ATAD2B: variants seen among roughly 807,000 people sequenced by gnomAD.
ATAD2B encodes the protein ATPase family AAA domain-containing protein 2B.
Under a neutral mutation model 167.6 loss-of-function variants are expected in ATAD2B, and 40 were observed. The ratio of observed to expected loss-of-function variants is 0.24; its 90% CI spans 0.19 to 0.31. The LOEUF (loss-of-function observed/expected upper bound fraction) is 0.31, where lower values mean the gene tolerates loss of function less well. ATAD2B is among the 10% of genes least tolerant of loss of function. ATAD2B has a pLI of 1.00. For synonymous variants in ATAD2B, 579 were observed against 596.5 expected (o/e 0.97, Z 0.43); for missense variants, 1,242 against 1,757.2 (o/e 0.71, Z 5.24).
intron 14 of ATAD2B, among the ~76,000 whole-genome samples, chr2:23,833,618 C>A (rs954012012): frequency 6.6e-6 from 1 of 152,114 alleles, no homozygotes; most frequent in African/African-American, 2.4e-5. Flanking sequence ...CTTTGGCTAA[C>A]TAGGGACACA....
chr2:23,834,359 G>A (rs536909325), intron 13 of ATAD2B, among the ~76,000 whole-genome samples: 9 of 151,542 alleles, frequency 5.9e-5, no homozygotes, highest in East Asian at 5.8e-4. Flanking sequence ...ATGGGGTTTC[G>A]CTATATTGGT....
rs755646759 is a variant in ATAD2B, at chr2:23,798,267, C to A, written c.2511G>T (p.Gly837=). Residue 837 remains glycine, a synonymous_variant, in exon 19 of 28, where the codon GGG becomes GGT. Transcript: ENST00000238789. ...TTTCACTGACAGCTTCCCACCAATC[C>A]CCAATGTGAGGCATGTAAACAATAC... The part of the protein sequence containing the change: ...VPSIVYMPHI[G]DWWEAVSETV... 2.5e-6 allele frequency: 4 copies of A among 1,612,950 alleles called. No individual in the cohort carries two copies. In the South Asian group the frequency reaches 4.4e-5, roughly 18 times the overall value.
chr2:23,857,610 T>G, intron 12 of ATAD2B, 107 bp from the exon 13 acceptor site: 1 of 490,574 alleles, frequency 2.0e-6, no homozygotes, highest in Non-Finnish European at 3.5e-6. Context: ...ATGCAGCAGG[T>G]ATGAAGGAGT....
the ATAD2B span, among the ~76,000 whole-genome samples, chr2:23,739,150 A>C: frequency 6.6e-6 from 1 of 152,316 alleles, no homozygotes; most frequent in Admixed American, 6.5e-5. Flanking sequence ...ACGAGACAGG[A>C]AGTTAACAAG....
At chr2:23,693,655 G>A in the ATAD2B span, 1 of 1,013,426 alleles carries the variant, frequency 9.9e-7, no homozygotes, top group Non-Finnish European at 1.4e-6. Flanking sequence ...GCAGAGAGGT[G>A]AAGGGCGGGC....
chr2:23,740,904 CAAT>C, the ATAD2B span, among the ~76,000 whole-genome samples: 2 of 152,094 alleles, frequency 1.3e-5, no homozygotes. Context: ...TCTTATACAC[CAAT>C]AACAGACAAA....
chr2:23,860,453 A>C (rs942082581), intron 12 of ATAD2B, among the ~76,000 whole-genome samples: 1 of 152,150 alleles, frequency 6.6e-6, no homozygotes, highest in African/African-American at 2.4e-5. Context: ...TTTCTCACTT[A>C]AGTATTAGAT....
In ATAD2B at chr2:23,756,779, G is replaced by T. The variant is rs114281426; in HGVS notation, c.4078+639C>A. ...AGGCTTTTAGACTGAACAGCCCTTG[G>T]ATTCAATTAACAATGACTTCCTGGA... is the stretch of plus-strand genomic sequence containing the variant. On this transcript the variant is annotated intron_variant, in intron 25 of 27. Transcript: ENST00000238789. 7.4e-4 allele frequency among the ~76,000 whole-genome samples: 112 copies of T among 152,224 alleles called. 1 individual carries two copies. The highest frequency in any genetic ancestry group is 2.5e-3 in the African/African-American group (103 of 41,532).
intron 6 of ATAD2B, 47 bp from the exon 7 acceptor site, chr2:23,880,802 T>C: frequency 8.9e-7 from 1 of 1,125,260 alleles, no homozygotes; most frequent in Non-Finnish European, 1.3e-6. Context: ...TTATTTTAAT[T>C]CAAAAGGATT....
intron 8 of ATAD2B, among the ~76,000 whole-genome samples, chr2:23,871,912 C>T (rs952692367): frequency 2.0e-5 from 3 of 152,036 alleles, no homozygotes; most frequent in Non-Finnish European, 2.9e-5. Context: ...GAATCTCGCA[C>T]GGTCACCCCG....
At chr2:23,781,341 TAAA>T (rs1680018663) in intron 22 of ATAD2B, among the ~76,000 whole-genome samples, 2 of 122,650 alleles carry the variant, frequency 1.6e-5, no homozygotes, top group Admixed American at 7.5e-5. Context: ...AAAAAATAAA[TAAA>T]TAAATAAATA....
At chr2:23,742,340 G>T in the ATAD2B span, among the ~76,000 whole-genome samples, 1 of 151,554 alleles carries the variant, frequency 6.6e-6, no homozygotes, top group African/African-American at 2.4e-5. Context: ...TTAAGAAAAT[G>T]TGGCACATAT....
rs926989520 is a variant in ATAD2B, at chr2:23,749,064, A to C, written c.*2982T>G. ...ACCTACTGAATAGCACCATAGCTGA[A>C]CCAACTTAATCAAAAAAGGGAAGAA... On this transcript the variant is annotated 3_prime_UTR_variant, in exon 28 of 28. Coordinates refer to ENST00000238789, the MANE Select transcript of ATAD2B (RefSeq NM_017552.4). 1 of 152,120 alleles carries C rather than the reference A, an allele frequency of 6.6e-6. No individual in the cohort carries two copies. 9.4% of individuals were successfully genotyped at this position (152,120 alleles called of 1,614,324 possible). A position where few individuals can be genotyped will look rare whatever the true frequency, so the allele number is the denominator to read the frequency against.
At chr2:23,826,396 G>C (rs139536550) in intron 15 of ATAD2B, among the ~76,000 whole-genome samples, 3 of 152,186 alleles carry the variant, frequency 2.0e-5, no homozygotes, top group African/African-American at 7.2e-5. Context: ...GATCATTCTA[G>C]TAATACTGAA....
intron 22 of ATAD2B, among the ~76,000 whole-genome samples, chr2:23,781,787 C>CT (rs985841129): frequency 8.7e-5 from 12 of 137,294 alleles, no homozygotes; most frequent in East Asian, 4.2e-4. Context: ...GCTGCTGTTT[C>CT]TTTTTTTTTC....
chr2:23,865,431 A>G (rs1694993671), intron 10 of ATAD2B, among the ~76,000 whole-genome samples: 1 of 151,868 alleles, frequency 6.6e-6, no homozygotes, highest in Non-Finnish European at 1.5e-5. Flanking sequence ...TGGGAGGCTG[A>G]GGCAGGAGAA....
chr2:23,794,906 T>C (rs952388892), intron 19 of ATAD2B, among the ~76,000 whole-genome samples: 4 of 152,160 alleles, frequency 2.6e-5, no homozygotes, highest in Non-Finnish European at 4.4e-5. Flanking sequence ...TACAAACTTA[T>C]CGTGGGGACT....
At chr2:23,685,871 G>C in the ATAD2B span, among the ~76,000 whole-genome samples, 1,619 of 152,290 alleles carry the variant, frequency 0.011, 14 homozygotes, top group Middle Eastern at 0.031. Context: ...ATGGATGAGC[G>C]TCCTAGGGTC....
intron 19 of ATAD2B, among the ~76,000 whole-genome samples, chr2:23,792,872 A>T (rs1456520447): frequency 6.7e-6 from 1 of 149,084 alleles, no homozygotes; most frequent in Non-Finnish European, 1.5e-5. Flanking sequence ...CTTAGGCAGA[A>T]GAATGGCGTG....
Sources: gnomAD v4.1 joint callset for allele counts (sites outside exome capture counted in the v4.1 genomes callset) on GRCh38, gnomAD v4.1.1 for gene constraint, MANE v1.5 for transcripts, NCBI Gene and HGNC (gene_info 2026-07-23, HGNC 2026-07-21) for gene names.